The following LITAF variants were observed in gnomAD, a reference collection of about 807,000 sequenced individuals.
The protein encoded by LITAF is lipopolysaccharide induced TNF factor, also known as lipopolysaccharide-induced tumor necrosis factor-alpha factor.
A neutral mutation model predicts 14.5 loss-of-function variants in LITAF; 9 were observed. The ratio of observed to expected loss-of-function variants is 0.62; its 90% CI spans 0.37 to 1.08. LITAF has a LOEUF of 1.08. Among genes scored for constraint, LITAF ranks in the 50% least tolerant of loss-of-function variants. The probability of loss-of-function intolerance (pLI) is 0.01; values close to 1 mark genes in which losing one functional copy is unlikely to be tolerated. For missense variants in LITAF, 206 were observed against 213.4 expected (o/e 0.97, Z 0.22); for synonymous variants, 98 against 88.2 (o/e 1.11, Z -0.62).
upstream of LITAF, chr16:11,598,517 G>C (rs1218048681): frequency 6.6e-6 from 1 of 152,254 alleles, no homozygotes; most frequent in Admixed American, 6.5e-5. Flanking sequence ...AGAAGGGGAA[G>C]CGCAGGTAGG....
chr16:11,599,222 G>A (rs2064912943), upstream of LITAF, among the ~76,000 whole-genome samples: 1 of 151,932 alleles, frequency 6.6e-6, no homozygotes, highest in Non-Finnish European at 1.5e-5. Flanking sequence ...GGGTTCCAGC[G>A]ATTCTCCTGC....
intron 3 of LITAF, among the ~76,000 whole-genome samples, chr16:11,611,523 C>G (rs1280572306): frequency 6.6e-6 from 1 of 152,170 alleles, no homozygotes; most frequent in African/African-American, 2.4e-5. Flanking sequence ...AGCAGCCTTT[C>G]CCCTAGAGGA....
intron 1 of LITAF, among the ~76,000 whole-genome samples, chr16:11,562,916 TAG>T (rs1358903986): frequency 6.9e-6 from 1 of 144,118 alleles, no homozygotes; most frequent in African/African-American, 2.6e-5. Context: ...GAAAAAAAAA[TAG>T]AGTCACAAAA....
At chr16:11,568,047 GA>G (rs1302557279) in intron 1 of LITAF, among the ~76,000 whole-genome samples, 3 of 151,908 alleles carry the variant, frequency 2.0e-5, no homozygotes, top group Non-Finnish European at 4.4e-5. Flanking sequence ...CAGCACTTTG[GA>G]AGCCCAAGGC....
intron 3 of LITAF, among the ~76,000 whole-genome samples, chr16:11,610,110 C>G (rs1357501864): frequency 6.6e-6 from 1 of 152,222 alleles, no homozygotes; most frequent in Non-Finnish European, 1.5e-5. Flanking sequence ...GAAGCTGGGA[C>G]TCACCCTGCA....
chr16:11,582,568 C>T (rs961339228), intron 1 of LITAF, among the ~76,000 whole-genome samples: 2 of 152,104 alleles, frequency 1.3e-5, no homozygotes, highest in Admixed American at 1.3e-4. Context: ...CTCCATCTCC[C>T]AGCCCCCAGA....
At chr16:11,633,037 G>C (rs1275500902) in intron 3 of LITAF, among the ~76,000 whole-genome samples, 1 of 152,124 alleles carries the variant, frequency 6.6e-6, no homozygotes, top group African/African-American at 2.4e-5. Flanking sequence ...CCCTACTTTG[G>C]GGCCTGGGAA....
At chr16:11,580,022 T>C (rs1013065802) in intron 1 of LITAF, among the ~76,000 whole-genome samples, 5 of 152,110 alleles carry the variant, frequency 3.3e-5, no homozygotes, top group African/African-American at 1.2e-4. Context: ...AATGTGAAAA[T>C]CCAAAATCTG....
In LITAF at chr16:11,578,096, A is replaced by G. The variant is rs139161581; in HGVS notation, c.-6+8790T>C. 7.7e-3 allele frequency among the ~76,000 whole-genome samples: 1,170 copies of G among 152,122 alleles called. 11 individuals are homozygous for G. The highest frequency in any genetic ancestry group is 0.027 in the African/African-American group (1,125 of 41,492). Reference sequence around the variant, plus strand: ...AACTTTCCATAGAGATGGGGGTCTCAATATGTTGCTCAGGCCGGTCTTAAA... The same window carrying G: ...AACTTTCCATAGAGATGGGGGTCTCGATATGTTGCTCAGGCCGGTCTTAAA... On this transcript the variant is annotated intron_variant, in intron 1 of 3. Coordinates refer to ENST00000622633, the MANE Select transcript of LITAF (RefSeq NM_001136472.2).
At chr16:11,630,171 CCT>C (rs2065109302) in intron 3 of LITAF, among the ~76,000 whole-genome samples, 1 of 152,138 alleles carries the variant, frequency 6.6e-6, no homozygotes, top group Non-Finnish European at 1.5e-5. Context: ...GGGCTCCAAA[CCT>C]CTGTGTTTGG....
intron 3 of LITAF, among the ~76,000 whole-genome samples, chr16:11,609,564 C>A (rs1193350102): frequency 6.6e-6 from 1 of 151,984 alleles, no homozygotes; most frequent in Non-Finnish European, 1.5e-5. Context: ...AATTACGTAT[C>A]CAAAACACTC....
chr16:11,572,348 T>A (rs987830363), intron 1 of LITAF, among the ~76,000 whole-genome samples: 1 of 151,738 alleles, frequency 6.6e-6, no homozygotes, highest in African/African-American at 2.4e-5. Flanking sequence ...CGAGTCCTCA[T>A]GCATGAAATG....
rs181500226 is a variant in LITAF at position 11,627,503 on chromosome 16, G to T, written c.85+6030C>A. 1.9e-3 allele frequency among the ~76,000 whole-genome samples: 293 copies of T among 152,344 alleles called. 1 individual carries two copies. Among genetic ancestry groups the T allele is most frequent in the African/African-American group, 6.7e-3 (279 of 41,582 alleles). On this transcript the variant is annotated intron_variant, in intron 3 of 3. Transcript: ENST00000574848. Reference sequence around the variant, plus strand: ...ATAAACCAGTTCCAGTGGGATTCTGGTTTTTGCAGCATTCTGCTATTCATC... The same window carrying T: ...ATAAACCAGTTCCAGTGGGATTCTGTTTTTTGCAGCATTCTGCTATTCATC...
At chr16:11,581,792 C>G (rs868734071) in intron 1 of LITAF, among the ~76,000 whole-genome samples, 2 of 152,172 alleles carry the variant, frequency 1.3e-5, no homozygotes, top group South Asian at 4.1e-4. Context: ...ATCTCCCAAA[C>G]TCTGCCCAGC....
In LITAF at chr16:11,553,766, G is replaced by C; in HGVS notation, c.221-77C>G. The C allele has an allele frequency of 6.7e-7, 1 of 1,491,378 alleles. No individual in the cohort carries two copies. The highest frequency in any genetic ancestry group is 9.3e-7 in the Non-Finnish European group (1 of 1,072,968). The allele number at this position is 1,491,378 out of a possible 1,614,324, so 92.4% of individuals were successfully genotyped here. On this transcript the variant is annotated intron_variant, in intron 2 of 3. Coordinates refer to ENST00000622633, the MANE Select transcript of LITAF (RefSeq NM_001136472.2). The surrounding 1 kb of genome is among the most constrained non-coding windows in gnomAD (Gnocchi z 7.7). ...AGCATTCACTACAGGACAAAGAGAGGAACGCAGGGATGCCAGCAAATATTA... is the reference window on the plus strand; with the variant it reads ...AGCATTCACTACAGGACAAAGAGAGCAACGCAGGGATGCCAGCAAATATTA...
At chr16:11,604,508 A>T (rs978158740) in intron 3 of LITAF, among the ~76,000 whole-genome samples, 1 of 151,946 alleles carries the variant, frequency 6.6e-6, no homozygotes, top group South Asian at 2.1e-4. Context: ...CACAAATGCC[A>T]TCATCAAGAA....
chr16:11,578,225 C>A lies in LITAF; in HGVS notation c.-6+8661G>T, dbSNP rs185362563. ...GAGGTGGAATTTAATCTCTCCCTTT[C>A]CTCTCCTGTGTGTGGGCTGGACTCC... On this transcript the variant is annotated intron_variant, in intron 1 of 3. Coordinates refer to ENST00000622633, the MANE Select transcript of LITAF (RefSeq NM_001136472.2). 2.6e-5 allele frequency among the ~76,000 whole-genome samples: 4 copies of A among 152,198 alleles called. No individual in the cohort carries two copies. The South Asian group carries it at 6.2e-4, about 24-fold the overall frequency.
At chr16:11,636,874 CT>C (rs58560112), upstream of LITAF, among the ~76,000 whole-genome samples, 262 of 144,222 alleles carry the variant, frequency 1.8e-3, no homozygotes, top group East Asian at 4.6e-3. Flanking sequence ...ATTTATTTTT[CT>C]TTTTTTTTTT....
chr16:11,621,553 C>T (rs1182283724), intron 3 of LITAF, among the ~76,000 whole-genome samples: 1 of 152,188 alleles, frequency 6.6e-6, no homozygotes, highest in African/African-American at 2.4e-5. Context: ...ATGTGCAGAA[C>T]AGACTGGTAT....
Sources: allele counts gnomAD v4.1 joint callset (sites outside exome capture counted in the v4.1 genomes callset), GRCh38; gene constraint gnomAD v4.1.1; non-coding constraint Gnocchi (gnomAD v3.1); transcripts MANE v1.5; gene names NCBI Gene and HGNC (gene_info 2026-07-23, HGNC 2026-07-21).